The following DAB1 variants were observed in gnomAD, a reference collection of about 807,000 sequenced individuals.
DAB1 encodes the protein disabled homolog 1.
Under a neutral mutation model 64.6 loss-of-function variants are expected in DAB1, and 15 were observed. The ratio of observed to expected loss-of-function variants is 0.23; its 90% confidence interval spans 0.16 to 0.36. DAB1 has a LOEUF of 0.36. Among genes scored for constraint, DAB1 ranks in the 10% least tolerant of loss-of-function variants. The probability of loss-of-function intolerance (pLI) is 1.00; values close to 1 mark genes in which losing one functional copy is unlikely to be tolerated. For missense variants in DAB1, 596 were observed against 706.7 expected (o/e 0.84, Z 1.78); for synonymous variants, 235 against 251.9 (o/e 0.93, Z 0.64).
intron 2 of DAB1, among the ~76,000 whole-genome samples, chr1:57,167,395 C>T (rs1002749406): frequency 6.6e-6 from 1 of 152,104 alleles, no homozygotes; most frequent in Non-Finnish European, 1.5e-5. Flanking sequence ...GAAGAGTCAC[C>T]CCTTGTATGC....
intron 3 of DAB1, among the ~76,000 whole-genome samples, chr1:58,390,046 G>A (rs1350173437): frequency 2.0e-5 from 3 of 152,098 alleles, no homozygotes; most frequent in Admixed American, 2.0e-4. Flanking sequence ...GGCCTTAGCA[G>A]GGCGAAAATA....
intron 5 of DAB1, chr1:58,047,865 A>G (rs151287203): frequency 0.024 from 6,607 of 278,644 alleles, 271 homozygotes; most frequent in African/African-American, 0.099. Flanking sequence ...TTTATTCAGC[A>G]TCACGATCAG....
chr1:57,863,696 A>C (rs1258147934), intron 1 of DAB1, among the ~76,000 whole-genome samples: 1 of 152,186 alleles, frequency 6.6e-6, no homozygotes, highest in African/African-American at 2.4e-5. Flanking sequence ...GAAATGTATT[A>C]GAAACAAGAG....
chr1:57,262,610 C>T (rs551170829), intron 2 of DAB1, among the ~76,000 whole-genome samples: 3 of 152,330 alleles, frequency 2.0e-5, no homozygotes, highest in South Asian at 2.1e-4. Context: ...TCTTATCACC[C>T]GGAGTTCTTT....
chr1:57,672,921 C>T (rs1451357595), intron 6 of DAB1, among the ~76,000 whole-genome samples: 1 of 152,108 alleles, frequency 6.6e-6, no homozygotes, highest in Non-Finnish European at 1.5e-5. Context: ...TTAATTATTG[C>T]TTTGGGGTTG....
intron 6 of DAB1, among the ~76,000 whole-genome samples, chr1:57,727,163 C>T (rs943394468): frequency 1.3e-5 from 2 of 152,134 alleles, no homozygotes; most frequent in Admixed American, 6.5e-5. Flanking sequence ...AAAGGAAGTG[C>T]CCAGACTCTC....
chr1:57,211,183 T>C (rs1205943151), intron 2 of DAB1, among the ~76,000 whole-genome samples: 1 of 152,152 alleles, frequency 6.6e-6, no homozygotes, highest in Non-Finnish European at 1.5e-5. Flanking sequence ...TAACTTGAGT[T>C]GGAAGATCAG....
At chr1:57,086,580 A>T (rs1340401598) in intron 4 of DAB1, among the ~76,000 whole-genome samples, 1 of 151,834 alleles carries the variant, frequency 6.6e-6, no homozygotes, top group South Asian at 2.1e-4. Context: ...CCTGGTCTAC[A>T]GTCCGTGACC....
At chr1:58,152,792 C>T (rs956510935) in intron 4 of DAB1, among the ~76,000 whole-genome samples, 4 of 152,158 alleles carry the variant, frequency 2.6e-5, no homozygotes, top group Non-Finnish European at 2.9e-5. Flanking sequence ...GTAGTAAGTT[C>T]CAGTTTTAAA....
intron 4 of DAB1, among the ~76,000 whole-genome samples, chr1:58,318,481 C>A (rs1662608109): frequency 6.6e-6 from 1 of 152,224 alleles, no homozygotes; most frequent in East Asian, 1.9e-4. Flanking sequence ...TGACTCAGAC[C>A]CAAGGTGGTG....
intron 5 of DAB1, chr1:58,049,406 A>G (rs1647476207): frequency 4.3e-6 from 2 of 470,444 alleles, no homozygotes; most frequent in Non-Finnish European, 7.8e-6. Context: ...TCTTTCCGAT[A>G]ATAATTATGC....
intron 2 of DAB1, among the ~76,000 whole-genome samples, chr1:57,227,580 A>G (rs1242875063): frequency 6.7e-6 from 1 of 148,516 alleles, no homozygotes; most frequent in East Asian, 2.0e-4. Context: ...TGTTGAAATA[A>G]GAGTCTCCCT....
At chr1:58,266,109 A>G (rs562407089) in intron 4 of DAB1, among the ~76,000 whole-genome samples, 1 of 151,778 alleles carries the variant, frequency 6.6e-6, no homozygotes, top group Non-Finnish European at 1.5e-5. Flanking sequence ...GTGCATATCA[A>G]ATGTGAGCTT....
At chr1:57,300,452 A>C (rs1475287550) in intron 1 of DAB1, among the ~76,000 whole-genome samples, 1 of 152,204 alleles carries the variant, frequency 6.6e-6, no homozygotes, top group African/African-American at 2.4e-5. Context: ...TTCCAAGAAG[A>C]GGAGATCCTT....
intron 3 of DAB1, among the ~76,000 whole-genome samples, chr1:58,359,504 G>A (rs553225580): frequency 2.4e-4 from 36 of 152,288 alleles, no homozygotes; most frequent in Middle Eastern, 3.4e-3. Flanking sequence ...TCTGGAACAT[G>A]AAGACCAGCA....
intron 1 of DAB1, among the ~76,000 whole-genome samples, chr1:57,422,318 C>T (rs1684978583): frequency 6.6e-6 from 1 of 152,226 alleles, no homozygotes. Flanking sequence ...CGCCCCGGTC[C>T]CCGCCGGCTG....
intron 5 of DAB1, among the ~76,000 whole-genome samples, chr1:57,915,714 A>C (rs1304323924): frequency 1.3e-5 from 2 of 152,148 alleles, no homozygotes; most frequent in African/African-American, 4.8e-5. Flanking sequence ...AAAAGCTTGG[A>C]TATGTGTGTG....
At chr1:57,916,099 C>T in intron 5 of DAB1, among the ~76,000 whole-genome samples, 1 of 152,176 alleles carries the variant, frequency 6.6e-6, no homozygotes. Context: ...GACAGTCACT[C>T]TCCCTGGCGG....
chr1:58,373,219 T>C, intron 3 of DAB1, among the ~76,000 whole-genome samples: 1 of 150,894 alleles, frequency 6.6e-6, no homozygotes, highest in African/African-American at 2.4e-5. Context: ...ATGTGCACAT[T>C]GTGCAGGTCA....
Sources: gnomAD v4.1 joint callset for allele counts (sites outside exome capture counted in the v4.1 genomes callset) on GRCh38, gnomAD v4.1.1 for gene constraint, MANE v1.5 for transcripts, NCBI Gene and HGNC (gene_info 2026-07-23, HGNC 2026-07-21) for gene names.